The following ZNF559 variants were observed in gnomAD, a reference collection of about 807,000 sequenced individuals.
ZNF559 encodes the protein zinc finger protein 559.
ZNF559 carries 17 observed loss-of-function variants against 14.2 expected under a neutral mutation model. The ratio of observed to expected loss-of-function variants is 1.20; its 90% confidence interval spans 0.82 to 1.80. The LOEUF (loss-of-function observed/expected upper bound fraction) is 1.80. Among genes scored for constraint, ZNF559 ranks in the 40% most tolerant of loss-of-function variants. The pLI is 0.00. For missense variants in ZNF559, 740 were observed against 629.7 expected (o/e 1.18, Z -1.88); for synonymous variants, 244 against 212.4 (o/e 1.15, Z -1.29).
intron 2 of ZNF559, among the ~76,000 whole-genome samples, chr19:9,328,938 A>G (rs989151265): frequency 6.6e-6 from 1 of 152,200 alleles, no homozygotes; most frequent in African/African-American, 2.4e-5. Context: ...TTTCTTACTG[A>G]TAGAATTTCA....
At chr19:9,341,599 A>G in intron 6 of ZNF559, 96 bp from the exon 7 acceptor site, 1 of 1,591,620 alleles carries the variant, frequency 6.3e-7, no homozygotes, top group Non-Finnish European at 8.5e-7. Flanking sequence ...ATACTAACTT[A>G]TTTTCCATGT....
At chr19:9,341,300 CA>C in intron 6 of ZNF559, 116 bp downstream of exon 6, 1 of 982,740 alleles carries the variant, frequency 1.0e-6, no homozygotes, top group Non-Finnish European at 1.6e-6. Context: ...GTTTTTCACC[CA>C]AAAATAATCT....
chr19:9,324,602 A>G (rs2145016549), intron 1 of ZNF559, 93 bp from the exon 2 acceptor site: 2 of 1,122,216 alleles, frequency 1.8e-6, no homozygotes, highest in African/African-American at 1.8e-5. Flanking sequence ...AAGACCAGGC[A>G]GGGCAACATA....
At chr19:9,330,931 C>T (rs2066904754) in intron 2 of ZNF559, among the ~76,000 whole-genome samples, 1 of 152,174 alleles carries the variant, frequency 6.6e-6, no homozygotes, top group Admixed American at 6.6e-5. Context: ...GTCTTTATGG[C>T]TTAGTCTTGA....
chr19:9,342,299 A>C lies in ZNF559; in HGVS notation c.848A>C (p.Asp283Ala). The change falls in exon 7 of 7, where the codon GAT (aspartate) becomes GCT (alanine). Residue 283 changes from aspartate to alanine, a missense_variant. Transcript: ENST00000603380. Reference sequence around the variant, plus strand: ...GGCAAAGCCTTTGCTTTTTCCCCAGATCTTGCTAAACATATAAGACTTAGA... The same window carrying C: ...GGCAAAGCCTTTGCTTTTTCCCCAGCTCTTGCTAAACATATAAGACTTAGA... ...KFGKAFAFSPDLAKHIRLRTR... is the reference protein window; with the variant it reads ...KFGKAFAFSPALAKHIRLRTR... The C allele has an allele frequency of 6.3e-7, 1 of 1,590,610 alleles. No homozygotes were observed.
rs547046180 is a variant in ZNF559 at position 9,344,354 on chromosome 19, T to C, written c.*1286T>C. On this transcript the variant is annotated 3_prime_UTR_variant, in exon 7 of 7. Transcript: ENST00000603380. The stretch of plus-strand genomic sequence containing the variant: ...TTTTCACTTATTGCACACAAGAAAA[T>C]TGGTACTGGCCAGGCATGCTGGCTC... 1 of 151,938 alleles carries C rather than the reference T, an allele frequency of 6.6e-6. No homozygotes were observed. Among genetic ancestry groups the C allele is most frequent in the South Asian group, 2.1e-4 (1 of 4,806 alleles). The allele number at this position is 151,938 out of a possible 1,614,324, so 9.4% of individuals were successfully genotyped here.
chr19:9,324,418 G>A (rs2066450140), intron 1 of ZNF559, 190 bp downstream of exon 1: 2 of 1,444,772 alleles, frequency 1.4e-6, no homozygotes, highest in Non-Finnish European at 1.8e-6. Flanking sequence ...TGTCCTCAGG[G>A]GTCGAGGCGG....
In ZNF559 at chr19:9,343,934, C is replaced by A; in HGVS notation, c.*866C>A. The A allele has an allele frequency of 4.0e-6, 2 of 503,170 alleles. No individual in the cohort carries two copies. Among genetic ancestry groups the A allele is most frequent in the Non-Finnish European group, 5.1e-6 (2 of 389,794 alleles). The allele number at this position is 503,170 out of a possible 1,614,324, so 31.2% of individuals were successfully genotyped here. On this transcript the variant is annotated 3_prime_UTR_variant, in exon 7 of 7. Coordinates refer to ENST00000603380, the MANE Select transcript of ZNF559 (RefSeq NM_032497.3). ...CTCTTTCCCCCATTTGTCACTACTA[C>A]ACTTCCCTAGTCTTTAAAACAATTT...
chr19:9,330,254 CTG>C lies in ZNF559; in HGVS notation c.-120+5476_-120+5477del, dbSNP rs1281553535. ...TTTCTCTTGCTGCTTTCAAAATTCT[CTG>C]TCTTTGACTTTTGACAAGTTCACTA... is the stretch of plus-strand genomic sequence containing the variant. On this transcript the variant is annotated intron_variant, in intron 2 of 6. Coordinates refer to ENST00000603380, the MANE Select transcript of ZNF559 (RefSeq NM_032497.3). 5 of 152,204 alleles carry C rather than the reference CTG, an allele frequency of 3.3e-5. No individual in the cohort carries two copies. The East Asian group carries it at 9.6e-4, about 29-fold the overall frequency. 9.4% of individuals were successfully genotyped at this position (152,204 alleles called of 1,614,324 possible).
At chr19:9,329,906 C>T (rs1194429491) in intron 2 of ZNF559, among the ~76,000 whole-genome samples, 1 of 152,206 alleles carries the variant, frequency 6.6e-6, no homozygotes, top group East Asian at 1.9e-4. Flanking sequence ...TTGGCATCTC[C>T]CTGTTTCGGC....
chr19:9,324,395 C>A, intron 1 of ZNF559, 167 bp downstream of exon 1: 1 of 1,480,386 alleles, frequency 6.8e-7, no homozygotes. Context: ...CCTCTGAGAG[C>A]CACAGTCAGG....
At chr19:9,335,059 G>A (rs750651729) in intron 2 of ZNF559, among the ~76,000 whole-genome samples, 6 of 151,544 alleles carry the variant, frequency 4.0e-5, no homozygotes, top group South Asian at 4.2e-4. Flanking sequence ...TGGCGTGAAC[G>A]CGGGAGGCGG....
intron 2 of ZNF559, among the ~76,000 whole-genome samples, chr19:9,337,529 C>T (rs570337137): frequency 2.0e-5 from 3 of 152,268 alleles, no homozygotes; most frequent in Admixed American, 6.5e-5. Flanking sequence ...TAAGAAGAAC[C>T]TCAGGAGTTT....
intron 2 of ZNF559, among the ~76,000 whole-genome samples, chr19:9,329,818 C>G (rs2066840125): frequency 1.3e-5 from 2 of 152,156 alleles, no homozygotes; most frequent in South Asian, 4.1e-4. Flanking sequence ...CATGTGCCAC[C>G]ATGCCTGGCT....
chr19:9,328,980 A>G (rs1437965792), intron 2 of ZNF559, among the ~76,000 whole-genome samples: 1 of 152,214 alleles, frequency 6.6e-6, no homozygotes, highest in African/African-American at 2.4e-5. Context: ...GATTTTAGAG[A>G]ACAAAGTTTC....
chr19:9,337,769 T>G, intron 2 of ZNF559, 27 bp from the exon 3 acceptor site: 1 of 1,413,556 alleles, frequency 7.1e-7, no homozygotes, highest in South Asian at 1.5e-5. Flanking sequence ...CTAGTGGCAC[T>G]CACATGAACA....
chr19:9,343,809 T>C lies in ZNF559; in HGVS notation c.*741T>C. The stretch of plus-strand genomic sequence containing the variant: ...GGTAAATATACATGTTTTAAAGAGG[T>C]TATATATCATTAATAAAAATATCTA... On this transcript the variant is annotated 3_prime_UTR_variant, in exon 7 of 7. Coordinates refer to ENST00000603380, the MANE Select transcript of ZNF559 (RefSeq NM_032497.3). 2 of 984,386 alleles carry C rather than the reference T, an allele frequency of 2.0e-6. No homozygotes were observed. Among genetic ancestry groups the C allele is most frequent in the East Asian group, 2.3e-4 (2 of 8,810 alleles). The allele number at this position is 984,386 out of a possible 1,614,324, so 61.0% of individuals were successfully genotyped here.
At position 9,339,220 on chromosome 19, in the gene ZNF559, G is replaced by C. The variant is rs1411268031; in HGVS notation, c.61G>C (p.Val21Leu). 1 of 1,613,962 alleles carries C rather than the reference G, an allele frequency of 6.2e-7. No individual in the cohort carries two copies. Among genetic ancestry groups the C allele is most frequent in the Admixed American group, 1.7e-5 (1 of 60,018 alleles). Residue 21 changes from valine (V) to leucine (L), a missense_variant, in exon 5 of 7, where the codon GTG becomes CTG. Coordinates refer to ENST00000603380, the MANE Select transcript of ZNF559 (RefSeq NM_032497.3). ...CTCAGTGACCTTTGAGGATGTGGCT[G>C]TGGACTTCACCCAGGAGGAGTGGAC... ...QDSVTFEDVA[V>L]DFTQEEWTLL...
Position 9,342,785 on chromosome 19 carries a change from C to G in ZNF559, c.1334C>G (p.Ala445Gly), listed in dbSNP as rs975774931. 5 of 1,613,916 alleles carry G rather than the reference C, an allele frequency of 3.1e-6. No individual in the cohort carries two copies. The highest frequency in any genetic ancestry group is 2.5e-6 in the Non-Finnish European group (3 of 1,180,018). The change falls in exon 7 of 7, where the codon GCC (alanine) becomes GGC (glycine). Residue 445 changes from alanine (A) to glycine (G), a missense_variant. Ala to Gly is a moderately conservative substitution (Grantham distance 60). Coordinates refer to ENST00000603380, the MANE Select transcript of ZNF559 (RefSeq NM_032497.3). ...TTTGAATGTGAGGAATGTGGGAAAGCCTTTAGATACTCCTCGCACCTTAGT... is the reference window on the plus strand; with the variant it reads ...TTTGAATGTGAGGAATGTGGGAAAGGCTTTAGATACTCCTCGCACCTTAGT... ...RPFECEECGK[A>G]FRYSSHLSQH...
Sources: gnomAD v4.1 joint callset for allele counts (sites outside exome capture counted in the v4.1 genomes callset) on GRCh38, gnomAD v4.1.1 for gene constraint, MANE v1.5 for transcripts, NCBI Gene and HGNC (gene_info 2026-07-23, HGNC 2026-07-21) for gene names.